Variants in TBCK observed in about 807,000 individuals in gnomAD.
TBCK encodes the protein TBC domain-containing protein kinase-like protein.
In TBCK, 99 loss-of-function variants were observed where a neutral mutation model predicts 113.4. That is an observed-to-expected ratio of 0.87 (90% CI 0.74 to 1.03). The LOEUF (loss-of-function observed/expected upper bound fraction) is 1.03. Ranked by LOEUF, TBCK falls within the 50% of genes least tolerant of loss-of-function variation. TBCK has a pLI of 0.00. For synonymous variants in TBCK, 369 were observed against 370.8 expected (o/e 1.00, Z 0.05); for missense variants, 1,045 against 1,061.3 (o/e 0.98, Z 0.21).
At position 106,142,299 on chromosome 4, in the gene TBCK, A is replaced by G. The variant is rs532273307; in HGVS notation, c.2236-25921T>C. On this transcript the variant is annotated intron_variant, in intron 23 of 25. Transcript: ENST00000394708. Reference sequence around the variant, plus strand: ...TTTTTGGTTTGGAGAACAAAGGATGAAACAACATTTAGCAGTAATTCTCTA... The same window carrying G: ...TTTTTGGTTTGGAGAACAAAGGATGGAACAACATTTAGCAGTAATTCTCTA... Among the ~76,000 whole-genome samples, 38 of 152,312 alleles carry G rather than the reference A, an allele frequency of 2.5e-4. No homozygotes were observed. In the South Asian group the frequency reaches 7.7e-3, roughly 31 times the overall value.
At chr4:106,160,222 G>C (rs1216195831) in intron 23 of TBCK, among the ~76,000 whole-genome samples, 1 of 152,052 alleles carries the variant, frequency 6.6e-6, no homozygotes, top group Non-Finnish European at 1.5e-5. Flanking sequence ...GTTGGCACTT[G>C]ATTTCTAGGA....
upstream of TBCK, chr4:106,316,630 T>C (rs1561017375): frequency 1.3e-6 from 2 of 1,548,220 alleles, no homozygotes; most frequent in Non-Finnish European, 1.7e-6. Flanking sequence ...CACTCGGGGA[T>C]CGCCGATTGC....
intron 23 of TBCK, among the ~76,000 whole-genome samples, chr4:106,135,078 T>C (rs981664085): frequency 1.3e-5 from 2 of 152,120 alleles, no homozygotes; most frequent in African/African-American, 2.4e-5. Context: ...TAATCATTAA[T>C]TGACAAATAG....
chr4:106,093,030 T>C (rs1740487090), intron 25 of TBCK, among the ~76,000 whole-genome samples: 1 of 152,214 alleles, frequency 6.6e-6, no homozygotes. Flanking sequence ...CCAAACCATG[T>C]GTGTTACTAT....
chr4:106,260,588 CATT>C (rs1359057400), intron 4 of TBCK, 78 bp from the exon 5 acceptor site: 6 of 460,528 alleles, frequency 1.3e-5, no homozygotes, highest in Non-Finnish European at 2.2e-5. Flanking sequence ...ATAAAATTAT[CATT>C]ATACATTTTA....
intron 25 of TBCK, among the ~76,000 whole-genome samples, chr4:106,095,086 A>G (rs1578877297): frequency 6.6e-6 from 1 of 152,192 alleles, no homozygotes; most frequent in South Asian, 2.1e-4. Flanking sequence ...TGAATTCTCT[A>G]TCATTAAAAA....
intron 11 of TBCK, among the ~76,000 whole-genome samples, chr4:106,244,026 T>C (rs1365625980): frequency 6.6e-6 from 1 of 152,106 alleles, no homozygotes; most frequent in Non-Finnish European, 1.5e-5. Context: ...GCTCAAGAAA[T>C]TTAGGTTCAT....
chr4:106,194,770 G>T lies in TBCK; in HGVS notation c.1861-16C>A. ...TGGCATAGAGCTATGAGTGGAAAAA[G>T]GGGTACAGGGAATGGATAAAAAGGA... On this transcript the variant is annotated splice_polypyrimidine_tract_variant and intron_variant, in intron 20 of 25. Coordinates refer to ENST00000394708, the MANE Select transcript of TBCK (RefSeq NM_001163435.3). The T allele has an allele frequency of 6.4e-7, 1 of 1,566,332 alleles. No homozygotes were observed. The highest frequency in any genetic ancestry group is 1.2e-5 in the South Asian group (1 of 83,560).
chr4:106,091,457 T>A (rs2149509714), intron 25 of TBCK, among the ~76,000 whole-genome samples: 1 of 152,226 alleles, frequency 6.6e-6, no homozygotes, highest in South Asian at 2.1e-4. Context: ...TTGTGGTGAG[T>A]GTTACAGTTC....
At chr4:106,212,925 G>C in intron 19 of TBCK, 90 bp from the exon 20 acceptor site, 1 of 825,168 alleles carries the variant, frequency 1.2e-6, no homozygotes, top group Non-Finnish European at 2.0e-6. Context: ...TACATTGAAT[G>C]AGATTTAATT....
chr4:106,283,731 G>A (rs1764848564), intron 3 of TBCK, among the ~76,000 whole-genome samples: 1 of 151,848 alleles, frequency 6.6e-6, no homozygotes, highest in South Asian at 2.1e-4. Flanking sequence ...CAGATCCTAT[G>A]CTAATAAGAT....
chr4:106,046,644 T>A lies in TBCK; in HGVS notation c.2608A>T (p.Ile870Phe), dbSNP rs1734247002. 1.2e-6 allele frequency: 2 copies of A among 1,612,372 alleles called. No individual in the cohort carries two copies. The highest frequency in any genetic ancestry group is 1.7e-6 in the Non-Finnish European group (2 of 1,179,020). Residue 870 changes from isoleucine to phenylalanine, a missense_variant, in exon 26 of 26, where the codon ATC becomes TTC. By Grantham distance (21) the Ile-to-Phe change is conservative. Coordinates refer to ENST00000394708, the MANE Select transcript of TBCK (RefSeq NM_001163435.3). ...TTAATGCCACCATCTAGAATACAGA[T>A]TCTTGGATATTTCATCTTCACAAGG... ...AHLVKMKYPR[I>F]CILDGGINKI...
chr4:106,234,895 G>GA, intron 15 of TBCK, among the ~76,000 whole-genome samples: 1 of 151,996 alleles, frequency 6.6e-6, no homozygotes, highest in East Asian at 1.9e-4. Context: ...AGATTAGATG[G>GA]AAAGATTTCT....
At chr4:106,253,955 T>C (rs572688576) in intron 5 of TBCK, among the ~76,000 whole-genome samples, 1 of 152,348 alleles carries the variant, frequency 6.6e-6, no homozygotes, top group South Asian at 2.1e-4. Flanking sequence ...GGAACCTATA[T>C]ACAGGCTTCC....
chr4:106,216,523 G>C (rs1430248117), intron 19 of TBCK, among the ~76,000 whole-genome samples: 1 of 151,540 alleles, frequency 6.6e-6, no homozygotes, highest in Non-Finnish European at 1.5e-5. Context: ...AATAAAAAAT[G>C]ATAAAGGGGA....
At chr4:106,109,018 T>TACACACACACACAC (rs112164356) in intron 24 of TBCK, among the ~76,000 whole-genome samples, 8 of 140,520 alleles carry the variant, frequency 5.7e-5, no homozygotes, top group African/African-American at 2.1e-4. Context: ...GACACACACA[T>TACACACACACACAC]ACACACACAC....
chr4:106,256,747 T>G (rs368446157), intron 5 of TBCK, among the ~76,000 whole-genome samples: 12 of 152,262 alleles, frequency 7.9e-5, no homozygotes, highest in African/African-American at 2.9e-4. Context: ...TCCTCCACAC[T>G]GCAGCCGGCA....
intron 20 of TBCK, among the ~76,000 whole-genome samples, chr4:106,201,799 T>A (rs185133458): frequency 4.8e-4 from 73 of 152,152 alleles, no homozygotes; most frequent in African/African-American, 1.7e-3. Context: ...TTAATCCACA[T>A]CCTTTATAAG....
At chr4:106,072,283 T>C (rs913066835) in intron 25 of TBCK, among the ~76,000 whole-genome samples, 3 of 152,136 alleles carry the variant, frequency 2.0e-5, no homozygotes, top group African/African-American at 7.2e-5. Context: ...TCTTGTAAGG[T>C]AGGCCTGTTG....
Sources: allele counts gnomAD v4.1 joint callset (sites outside exome capture counted in the v4.1 genomes callset), GRCh38; gene constraint gnomAD v4.1.1; transcripts MANE v1.5; gene names NCBI Gene and HGNC (gene_info 2026-07-23, HGNC 2026-07-21).